Variants in PRKN observed in about 807,000 individuals in gnomAD.
PRKN encodes the protein E3 ubiquitin-protein ligase parkin.
A neutral mutation model predicts 59.5 loss-of-function variants in PRKN; 56 were observed. That is an observed-to-expected ratio of 0.94 (90% CI 0.76 to 1.18). The LOEUF (loss-of-function observed/expected upper bound fraction) is 1.18, where lower values mean the gene tolerates loss of function less well. PRKN is among the 50% of genes most tolerant of loss of function. The pLI is 0.00. For synonymous variants in PRKN, 250 were observed against 222.1 expected, an observed-to-expected ratio of 1.13 and a Z score of -1.12; for missense variants, 657 against 596.4, an observed-to-expected ratio of 1.10 and a Z score of -1.06.
intron 2 of PRKN, among the ~76,000 whole-genome samples, chr6:162,367,646 C>T (rs1332633365): frequency 4.6e-5 from 7 of 152,064 alleles, no homozygotes; most frequent in Admixed American, 3.3e-4. Flanking sequence ...AGGCCTTTTA[C>T]AGGCAGGTTG....
intron 7 of PRKN, among the ~76,000 whole-genome samples, chr6:161,590,270 G>A (rs1174453081): frequency 6.6e-6 from 1 of 152,108 alleles, no homozygotes; most frequent in Non-Finnish European, 1.5e-5. Flanking sequence ...CTACTGAGAA[G>A]GGTACAACAT....
chr6:162,206,830 C>T (rs112432050), intron 3 of PRKN, among the ~76,000 whole-genome samples: 1 of 152,170 alleles, frequency 6.6e-6, no homozygotes, highest in African/African-American at 2.4e-5. Context: ...CTGGAATACA[C>T]GTCTCCACAA....
intron 1 of PRKN, among the ~76,000 whole-genome samples, chr6:162,452,947 A>T (rs546293161): frequency 1.3e-4 from 20 of 152,338 alleles, no homozygotes; most frequent in Non-Finnish European, 4.4e-5. Flanking sequence ...AATATTATTA[A>T]TATCACAAAA....
At chr6:162,459,520 C>T (rs145614699) in intron 1 of PRKN, among the ~76,000 whole-genome samples, 5 of 152,224 alleles carry the variant, frequency 3.3e-5, no homozygotes, top group East Asian at 3.9e-4. Context: ...ATTACATTTA[C>T]GAGCGTATTT....
chr6:162,034,695 A>G (rs1783773543), intron 5 of PRKN, among the ~76,000 whole-genome samples: 1 of 152,256 alleles, frequency 6.6e-6, no homozygotes, highest in African/African-American at 2.4e-5. Flanking sequence ...ATGACTCAAC[A>G]TACTTCATTC....
chr6:162,099,303 A>G (rs1049005937), intron 4 of PRKN, among the ~76,000 whole-genome samples: 1 of 152,206 alleles, frequency 6.6e-6, no homozygotes, highest in Non-Finnish European at 1.5e-5. Context: ...TTTTAAAAGT[A>G]GGGTTTTTTC....
At chr6:161,906,737 C>T (rs187552023) in intron 6 of PRKN, among the ~76,000 whole-genome samples, 1 of 149,144 alleles carries the variant, frequency 6.7e-6, no homozygotes, top group African/African-American at 2.5e-5. Flanking sequence ...AGCAAGGAAG[C>T]CAGTCCTAGT....
At chr6:161,985,428 C>T (rs73026582) in intron 5 of PRKN, among the ~76,000 whole-genome samples, 24,628 of 152,088 alleles carry the variant, frequency 0.16, 2,033 homozygotes, top group South Asian at 0.24. Flanking sequence ...GAGTGTTCGA[C>T]TCCATGATTT....
intron 1 of PRKN, among the ~76,000 whole-genome samples, chr6:162,718,442 T>C (rs1316587852): frequency 6.6e-6 from 1 of 152,178 alleles, no homozygotes; most frequent in Non-Finnish European, 1.5e-5. Context: ...CCAGGCGCGG[T>C]GGCTCATGCC....
intron 1 of PRKN, among the ~76,000 whole-genome samples, chr6:162,629,657 G>T (rs914026924): frequency 6.6e-6 from 1 of 152,058 alleles, no homozygotes; most frequent in Non-Finnish European, 1.5e-5. Context: ...CCTACGACAC[G>T]CAATGCTGCA....
chr6:162,683,225 C>A (rs988623342), intron 1 of PRKN, among the ~76,000 whole-genome samples: 1 of 152,142 alleles, frequency 6.6e-6, no homozygotes, highest in South Asian at 2.1e-4. Flanking sequence ...TAATCACTAA[C>A]CACAGACGGC....
At position 161,463,630 on chromosome 6, in the gene PRKN, AGGT is replaced by A. The variant is rs1790315675; in HGVS notation, c.1084-76756_1084-76754del. On this transcript the variant is annotated intron_variant, in intron 9 of 11. Coordinates refer to ENST00000366898, the MANE Select transcript of PRKN (RefSeq NM_004562.3). This position sits in a 1 kb window ranked among gnomAD's most constrained non-coding sequence, Gnocchi z 4.8. ...TGGTTCCCATGGACTGAAACTTTACAGGTAAAGGCCAAAGTTTTGATTCAGCAT... is the reference window on the plus strand; with the variant it reads ...TGGTTCCCATGGACTGAAACTTTACAAAAGGCCAAAGTTTTGATTCAGCAT... 6.6e-6 allele frequency among the ~76,000 whole-genome samples: 1 copy of A among 152,174 alleles called. No individual in the cohort carries two copies. The highest frequency in any genetic ancestry group is 2.1e-4 in the South Asian group (1 of 4,832).
At chr6:162,691,532 T>C (rs1006808018) in intron 1 of PRKN, among the ~76,000 whole-genome samples, 3 of 152,144 alleles carry the variant, frequency 2.0e-5, no homozygotes, top group Non-Finnish European at 2.9e-5. Context: ...AATTATCTCA[T>C]TGGATATCCA....
In PRKN at chr6:161,858,580, C is replaced by T. The variant is rs866335776; in HGVS notation, c.735-72672G>A. ...CTTCTGCTCTCTGAATACCCACCCC[C>T]ACCTTCACCTATTCCCTTTATAAAT... is the stretch of plus-strand genomic sequence containing the variant. On this transcript the variant is annotated intron_variant, in intron 6 of 11. Transcript: ENST00000366898. Among the ~76,000 whole-genome samples, 7 of 152,218 alleles carry T rather than the reference C, an allele frequency of 4.6e-5. No individual in the cohort carries two copies. The South Asian group carries it at 1.0e-3, about 23-fold the overall frequency.
chr6:162,162,060 C>T (rs949652172), intron 4 of PRKN, among the ~76,000 whole-genome samples: 1 of 152,084 alleles, frequency 6.6e-6, no homozygotes, highest in Non-Finnish European at 1.5e-5. Flanking sequence ...AGAACCAACA[C>T]AGTATAAAAA....
At chr6:162,461,896 G>A (rs1287939945) in intron 1 of PRKN, among the ~76,000 whole-genome samples, 1 of 152,130 alleles carries the variant, frequency 6.6e-6, no homozygotes, top group South Asian at 2.1e-4. Flanking sequence ...CAGAGATAAG[G>A]GAAAATATAG....
At chr6:162,562,325 G>C (rs1311331822) in intron 1 of PRKN, among the ~76,000 whole-genome samples, 1 of 152,160 alleles carries the variant, frequency 6.6e-6, no homozygotes, top group East Asian at 1.9e-4. Context: ...GGCCTTGGGT[G>C]AGGCTCTGGG....
intron 1 of PRKN, among the ~76,000 whole-genome samples, chr6:162,598,600 C>T (rs1257989602): frequency 2.0e-5 from 3 of 152,088 alleles, no homozygotes; most frequent in Non-Finnish European, 4.4e-5. Context: ...AGCCTGTAAA[C>T]CCAGAACTTT....
chr6:162,385,417 T>C (rs1786749557), intron 2 of PRKN, among the ~76,000 whole-genome samples: 2 of 152,364 alleles, frequency 1.3e-5, no homozygotes, highest in East Asian at 3.9e-4. Context: ...TCTCTATTAC[T>C]TATTAATAAC....
Sources: gnomAD v4.1 joint callset for allele counts (sites outside exome capture counted in the v4.1 genomes callset) on GRCh38, gnomAD v4.1.1 for gene constraint, Gnocchi (gnomAD v3.1) non-coding constraint, MANE v1.5 for transcripts, NCBI Gene and HGNC (gene_info 2026-07-23, HGNC 2026-07-21) for gene names.